TMEM38B: variants seen among roughly 807,000 people sequenced by gnomAD.
TMEM38B encodes trimeric intracellular cation channel type B.
TMEM38B carries 24 observed loss-of-function variants against 28.7 expected under a neutral mutation model. That is an observed-to-expected ratio of 0.84 (90% CI 0.61 to 1.18). TMEM38B has a LOEUF of 1.18. Among genes scored for constraint, TMEM38B ranks in the 50% most tolerant of loss-of-function variants. TMEM38B has a pLI of 0.00. For missense variants in TMEM38B, 380 were observed against 350.9 expected (o/e 1.08, Z -0.66); for synonymous variants, 131 against 127.7 (o/e 1.03, Z -0.17).
intron 2 of TMEM38B, among the ~76,000 whole-genome samples, chr9:105,708,948 T>C (rs1835785762): frequency 6.6e-6 from 1 of 152,068 alleles, no homozygotes; most frequent in African/African-American, 2.4e-5. Flanking sequence ...TTAAAATTTT[T>C]ATATTTGTTG....
chr9:105,723,810 T>G (rs1388654928), intron 4 of TMEM38B, among the ~76,000 whole-genome samples: 1 of 152,146 alleles, frequency 6.6e-6, no homozygotes, highest in Non-Finnish European at 1.5e-5. Context: ...ATTACAGGCA[T>G]GAGCCACTGT....
intron 4 of TMEM38B, among the ~76,000 whole-genome samples, chr9:105,747,154 C>T (rs1308243711): frequency 6.6e-6 from 1 of 152,160 alleles, no homozygotes; most frequent in Non-Finnish European, 1.5e-5. Flanking sequence ...AGGAATGGTA[C>T]CAGCTCCTCC....
chr9:105,701,184 A>G (rs1835449961), intron 1 of TMEM38B: 1 of 152,200 alleles, frequency 6.6e-6, no homozygotes, highest in Admixed American at 6.5e-5. Flanking sequence ...TTCTATTTAA[A>G]TAATGGTATT....
Position 105,757,065 on chromosome 9 carries a change from C to G in TMEM38B, c.660+8875C>G, listed in dbSNP as rs183553133. On this transcript the variant is annotated intron_variant, in intron 5 of 5. Coordinates refer to ENST00000374692, the MANE Select transcript of TMEM38B (RefSeq NM_018112.3). ...CTTTTGTCCTTCATCTCTCTCCCAC[C>G]CTTCCCCCCAAGTCCTCAAAGTTCA... Among the ~76,000 whole-genome samples, 370 of 152,136 alleles carry G rather than the reference C, an allele frequency of 2.4e-3. 1 individual carries two copies. Among genetic ancestry groups the G allele is most frequent in the South Asian group, 6.0e-3 (29 of 4,814 alleles).
chr9:105,754,636 GA>G, intron 5 of TMEM38B, among the ~76,000 whole-genome samples: 1 of 151,932 alleles, frequency 6.6e-6, no homozygotes, highest in East Asian at 1.9e-4. Context: ...GCAGTGTTAA[GA>G]GGGAAATTTA....
At chr9:105,766,107 A>C (rs556646169) in intron 5 of TMEM38B, among the ~76,000 whole-genome samples, 1 of 152,192 alleles carries the variant, frequency 6.6e-6, no homozygotes, top group East Asian at 1.9e-4. Flanking sequence ...CCAGACATGT[A>C]TTTTCGTTTC....
chr9:105,706,138 A>T (rs927515823), intron 2 of TMEM38B, among the ~76,000 whole-genome samples: 1 of 152,168 alleles, frequency 6.6e-6, no homozygotes, highest in Non-Finnish European at 1.5e-5. Context: ...ACGTGAGGTG[A>T]TCTGCCCGCC....
chr9:105,735,881 T>C (rs1488342520), intron 4 of TMEM38B, among the ~76,000 whole-genome samples: 2 of 152,090 alleles, frequency 1.3e-5, no homozygotes, highest in Non-Finnish European at 2.9e-5. Context: ...AAAAAATTTT[T>C]TTAGAGACAG....
chr9:105,773,481 G>A (rs73522017), intron 5 of TMEM38B, among the ~76,000 whole-genome samples: 1 of 151,986 alleles, frequency 6.6e-6, no homozygotes, highest in East Asian at 1.9e-4. Flanking sequence ...AATGATGAGG[G>A]TAATAATAGA....
At chr9:105,764,226 G>A (rs532532106) in intron 5 of TMEM38B, among the ~76,000 whole-genome samples, 84 of 152,202 alleles carry the variant, frequency 5.5e-4, no homozygotes, top group African/African-American at 2.0e-3. Context: ...TGGAAGTTCT[G>A]GCTAGGGCAA....
chr9:105,703,179 T>G (rs916715964), intron 1 of TMEM38B, among the ~76,000 whole-genome samples: 3 of 152,206 alleles, frequency 2.0e-5, no homozygotes, highest in Non-Finnish European at 4.4e-5. Flanking sequence ...GCCAGTACAT[T>G]AAAATAAAAT....
intron 5 of TMEM38B, among the ~76,000 whole-genome samples, chr9:105,763,840 C>G (rs1246910454): frequency 6.6e-6 from 1 of 151,316 alleles, no homozygotes; most frequent in Non-Finnish European, 1.5e-5. Flanking sequence ...CAGTAAAATA[C>G]TGGCAAACCG....
chr9:105,720,999 T>A (rs1335220676), intron 2 of TMEM38B, among the ~76,000 whole-genome samples: 1 of 152,188 alleles, frequency 6.6e-6, no homozygotes, highest in African/African-American at 2.4e-5. Flanking sequence ...GTGTTTTTCC[T>A]TAATACAAAT....
intron 5 of TMEM38B, chr9:105,760,643 A>T: frequency 1.2e-6 from 1 of 865,852 alleles, no homozygotes; most frequent in Non-Finnish European, 2.0e-6. Context: ...TTGATATATC[A>T]GAAAAGATTT....
chr9:105,717,925 C>T (rs552928241), intron 2 of TMEM38B, among the ~76,000 whole-genome samples: 1 of 152,260 alleles, frequency 6.6e-6, no homozygotes, highest in Non-Finnish European at 1.5e-5. Context: ...CTGACAAGAA[C>T]CCTGAGACGT....
intron 4 of TMEM38B, among the ~76,000 whole-genome samples, chr9:105,727,442 T>A (rs899532584): frequency 6.6e-6 from 1 of 152,206 alleles, no homozygotes; most frequent in Admixed American, 6.5e-5. Context: ...AAGGTGACTA[T>A]CTCTTATTTG....
intron 2 of TMEM38B, among the ~76,000 whole-genome samples, chr9:105,718,214 A>AAATTTGT (rs1474376209): frequency 1.3e-5 from 2 of 151,986 alleles, no homozygotes; most frequent in Non-Finnish European, 2.9e-5. Flanking sequence ...TATTTAGAAC[A>AAATTTGT]AATTTGTAAT....
At chr9:105,750,719 A>G (rs535155352) in intron 5 of TMEM38B, among the ~76,000 whole-genome samples, 23 of 152,332 alleles carry the variant, frequency 1.5e-4, no homozygotes, top group Admixed American at 1.2e-3. Flanking sequence ...ACCGTTGCCA[A>G]ATCTAAGGTC....
chr9:105,751,665 G>T (rs1388906323), intron 5 of TMEM38B, among the ~76,000 whole-genome samples: 1 of 152,170 alleles, frequency 6.6e-6, no homozygotes, highest in Non-Finnish European at 1.5e-5. Flanking sequence ...ACAGCAATAG[G>T]CTGGAATATG....
Sources: gnomAD v4.1 joint callset for allele counts (sites outside exome capture counted in the v4.1 genomes callset) on GRCh38, gnomAD v4.1.1 for gene constraint, MANE v1.5 for transcripts, NCBI Gene and HGNC (gene_info 2026-07-23, HGNC 2026-07-21) for gene names.